The following PDE1C variants were observed in gnomAD, a reference collection of about 807,000 sequenced individuals.
The protein encoded by PDE1C is phosphodiesterase 1C.
PDE1C carries 62 observed loss-of-function variants against 93.1 expected under a neutral mutation model. The ratio of observed to expected loss-of-function variants is 0.67; its 90% CI spans 0.54 to 0.82. The LOEUF (loss-of-function observed/expected upper bound fraction) is 0.82. Among genes scored for constraint, PDE1C ranks in the 40% least tolerant of loss-of-function variants. PDE1C has a pLI of 0.00. For synonymous variants in PDE1C, 325 were observed against 310.1 expected, an observed-to-expected ratio of 1.05 and a Z score of -0.50; for missense variants, 742 against 884.6, an observed-to-expected ratio of 0.84 and a Z score of 2.04.
chr7:32,362,813 C>G (rs1449501204), intron 1 of PDE1C, among the ~76,000 whole-genome samples: 1 of 152,216 alleles, frequency 6.6e-6, no homozygotes, highest in African/African-American at 2.4e-5. Flanking sequence ...CCTGAGCAAA[C>G]GCACTACACT....
chr7:31,768,802 CTTT>C (rs528701351), intron 17 of PDE1C, among the ~76,000 whole-genome samples: 3 of 149,274 alleles, frequency 2.0e-5, no homozygotes, highest in Admixed American at 6.7e-5. Flanking sequence ...TCCCTTAACA[CTTT>C]TTTTTTTGAA....
intron 2 of PDE1C, among the ~76,000 whole-genome samples, chr7:31,888,249 C>CAAAAAAACAAAAAA: frequency 2.3e-5 from 1 of 44,224 alleles, no homozygotes; most frequent in Non-Finnish European, 4.1e-5. Flanking sequence ...GACTCAGTCT[C>CAAAAAAACAAAAAA]AAAAAAAAAA....
intron 16 of PDE1C, among the ~76,000 whole-genome samples, chr7:31,776,581 T>C (rs979000851): frequency 6.6e-6 from 1 of 152,176 alleles, no homozygotes; most frequent in African/African-American, 2.4e-5. Context: ...TTTTTGTATA[T>C]ATGTATGTGG....
chr7:32,188,864 T>A (rs1432133426), intron 2 of PDE1C, among the ~76,000 whole-genome samples: 4 of 152,172 alleles, frequency 2.6e-5, no homozygotes, highest in Non-Finnish European at 4.4e-5. Context: ...ACTCTAGATT[T>A]TATTCATCAT....
the PDE1C span, among the ~76,000 whole-genome samples, chr7:31,714,399 C>A: frequency 6.6e-6 from 1 of 152,158 alleles, no homozygotes; most frequent in African/African-American, 2.4e-5. Context: ...ATTCAAAAGT[C>A]TCTAGGAAGT....
chr7:32,090,678 T>C (rs748337414), intron 3 of PDE1C, among the ~76,000 whole-genome samples: 1 of 152,218 alleles, frequency 6.6e-6, no homozygotes, highest in Non-Finnish European at 1.5e-5. Flanking sequence ...TGGATGGATG[T>C]ATCAAGGACA....
At chr7:31,842,439 A>AT (rs1451869315) in intron 9 of PDE1C, among the ~76,000 whole-genome samples, 1 of 152,110 alleles carries the variant, frequency 6.6e-6, no homozygotes, top group African/African-American at 2.4e-5. Context: ...TTGTGGGAAT[A>AT]TTTTTGATGA....
chr7:31,765,096 A>G (rs143424305), intron 17 of PDE1C, among the ~76,000 whole-genome samples: 26 of 152,260 alleles, frequency 1.7e-4, no homozygotes, highest in African/African-American at 6.0e-4. Flanking sequence ...GCTCATTTCT[A>G]CTGGTCTCAT....
the PDE1C span, among the ~76,000 whole-genome samples, chr7:31,647,649 G>A: frequency 2.1e-3 from 264 of 127,480 alleles, 3 homozygotes; most frequent in African/African-American, 7.3e-3. Context: ...ACTCCAGCCT[G>A]AGCAACAGAG....
rs1365446797 is a variant in PDE1C at position 31,790,299 on chromosome 7, C to T, written c.1892-14567G>A. 3.2e-6 allele frequency: 5 copies of T among 1,566,546 alleles called. No individual in the cohort carries two copies. The East Asian group carries it at 1.1e-4, about 35-fold the overall frequency. ...AAGAAAAAGAAAAGTGTCAATGCTGCCTTTCCCCCCGCCCACCTCCACCCT... is the reference window on the plus strand; with the variant it reads ...AAGAAAAAGAAAAGTGTCAATGCTGTCTTTCCCCCCGCCCACCTCCACCCT... On this transcript the variant is annotated intron_variant, in intron 16 of 17. Coordinates refer to ENST00000396191, the MANE Select transcript of PDE1C (RefSeq NM_001191057.4).
chr7:32,222,897 C>T (rs867134792), intron 1 of PDE1C, among the ~76,000 whole-genome samples: 1 of 152,184 alleles, frequency 6.6e-6, no homozygotes, highest in African/African-American at 2.4e-5. Context: ...CAAAATTCAT[C>T]AGGACAAAAA....
chr7:32,228,178 G>C (rs1013330559), intron 1 of PDE1C, among the ~76,000 whole-genome samples: 3 of 152,220 alleles, frequency 2.0e-5, no homozygotes, highest in Non-Finnish European at 2.9e-5. Flanking sequence ...AGAGACTAGA[G>C]AACCTTCAGA....
chr7:31,917,222 T>C (rs1317271426), intron 2 of PDE1C, among the ~76,000 whole-genome samples: 4 of 152,180 alleles, frequency 2.6e-5, no homozygotes, highest in Admixed American at 2.0e-4. Flanking sequence ...TTAAATTTCT[T>C]TTCGCAGATA....
chr7:32,298,758 C>A, exon 1 of PDE1C: 1 of 1,572,226 alleles, frequency 6.4e-7, no homozygotes, highest in African/African-American at 1.4e-5. Flanking sequence ...CGGGCAGGGG[C>A]CTCGCAGCGA....
chr7:32,024,838 C>T (rs1179905229), intron 2 of PDE1C, among the ~76,000 whole-genome samples: 2 of 152,138 alleles, frequency 1.3e-5, no homozygotes, highest in Admixed American at 1.3e-4. Flanking sequence ...GTCTCCTTCC[C>T]AAGGCAACTG....
chr7:31,976,443 T>G (rs1170240739), intron 2 of PDE1C, among the ~76,000 whole-genome samples: 15 of 152,230 alleles, frequency 9.9e-5, no homozygotes, highest in Admixed American at 9.8e-4. Flanking sequence ...ATTAAATTCA[T>G]AAGTATGTGA....
intron 2 of PDE1C, among the ~76,000 whole-genome samples, chr7:31,924,367 A>G (rs1348366493): frequency 6.6e-6 from 1 of 152,236 alleles, no homozygotes; most frequent in Non-Finnish European, 1.5e-5. Flanking sequence ...GACATATTCA[A>G]GGAAATAATT....
At chr7:31,730,983 A>C in the PDE1C span, among the ~76,000 whole-genome samples, 1 of 152,126 alleles carries the variant, frequency 6.6e-6, no homozygotes, top group Non-Finnish European at 1.5e-5. Context: ...AGACACAAGG[A>C]GAGAAGGAGA....
At chr7:32,189,169 T>C (rs994895211) in intron 2 of PDE1C, among the ~76,000 whole-genome samples, 1 of 152,196 alleles carries the variant, frequency 6.6e-6, no homozygotes, top group African/African-American at 2.4e-5. Flanking sequence ...TTACTCTTTG[T>C]CATACATAAA....
Sources: allele counts gnomAD v4.1 joint callset (sites outside exome capture counted in the v4.1 genomes callset), GRCh38; gene constraint gnomAD v4.1.1; transcripts MANE v1.5; gene names NCBI Gene and HGNC (gene_info 2026-07-23, HGNC 2026-07-21).